The following UCHL5 variants were observed in gnomAD, a reference collection of about 807,000 sequenced individuals.
The protein encoded by UCHL5 is ubiquitin C-terminal hydrolase L5.
Under a neutral mutation model 53.8 loss-of-function variants are expected in UCHL5, and 34 were observed. That is an observed-to-expected ratio of 0.63 (90% CI 0.48 to 0.84). UCHL5 has a LOEUF of 0.84. UCHL5 is among the 40% of genes least tolerant of loss of function. The pLI is 0.00. For missense variants in UCHL5, 290 were observed against 385.6 expected, an observed-to-expected ratio of 0.75 and a Z score of 2.08; for synonymous variants, 111 against 126.3, an observed-to-expected ratio of 0.88 and a Z score of 0.81.
chr1:193,033,799 T>G (rs1403103267), intron 3 of UCHL5, among the ~76,000 whole-genome samples: 2 of 152,116 alleles, frequency 1.3e-5, no homozygotes, highest in Admixed American at 1.3e-4. Context: ...AGAGAAAGTT[T>G]TTTCACAAAT....
At chr1:193,032,425 T>C (rs999899970) in intron 3 of UCHL5, among the ~76,000 whole-genome samples, 1 of 152,088 alleles carries the variant, frequency 6.6e-6, no homozygotes, top group Non-Finnish European at 1.5e-5. Context: ...ATAAAAACTC[T>C]AGAAGAAAAC....
chr1:193,056,882 T>A (rs74130913), intron 1 of UCHL5, among the ~76,000 whole-genome samples: 3,194 of 152,340 alleles, frequency 0.021, 109 homozygotes, highest in African/African-American at 0.073. Context: ...ATTTAATTGT[T>A]TGCAGGTTCT....
At chr1:193,042,019 G>A (rs1665739895) in intron 3 of UCHL5, among the ~76,000 whole-genome samples, 1 of 151,740 alleles carries the variant, frequency 6.6e-6, no homozygotes, top group South Asian at 2.1e-4. Context: ...CAGCTACTCA[G>A]GAGGCTGAGG....
chr1:193,024,964 T>A (rs1195253644), intron 7 of UCHL5, among the ~76,000 whole-genome samples: 4 of 152,092 alleles, frequency 2.6e-5, no homozygotes, highest in Non-Finnish European at 4.4e-5. Flanking sequence ...CTGGACATAA[T>A]ATGTTTTTTA....
rs1654685320 is a variant in UCHL5 at position 193,014,969 on chromosome 1, T to A, written c.*1382A>T. 6.6e-6 allele frequency: 1 copy of A among 152,116 alleles called. No homozygotes were observed. Among genetic ancestry groups the A allele is most frequent in the Admixed American group, 6.6e-5 (1 of 15,246 alleles). The allele number at this position is 152,116 out of a possible 1,614,324, so 9.4% of individuals were successfully genotyped here. On this transcript the variant is annotated 3_prime_UTR_variant, in exon 11 of 11. Coordinates refer to ENST00000367454, the MANE Select transcript of UCHL5 (RefSeq NM_001199261.3). ...TGAGCCTTCCTTAAAAATCTATTTT[T>A]AAAAATTATATCATGGCTTTGAAAA...
intron 1 of UCHL5, among the ~76,000 whole-genome samples, chr1:193,055,177 T>C (rs1478940301): frequency 2.0e-5 from 3 of 152,312 alleles, no homozygotes; most frequent in Non-Finnish European, 4.4e-5. Flanking sequence ...AGCTTTGCTC[T>C]GGACCATCTT....
intron 2 of UCHL5, among the ~76,000 whole-genome samples, chr1:193,051,265 G>C: frequency 6.6e-6 from 1 of 152,026 alleles, no homozygotes; most frequent in East Asian, 1.9e-4. Context: ...CAGAAAGATG[G>C]GGGAAGGAGA....
At chr1:193,030,126 A>C (rs1571608532) in intron 3 of UCHL5, among the ~76,000 whole-genome samples, 1 of 152,174 alleles carries the variant, frequency 6.6e-6, no homozygotes, top group Non-Finnish European at 1.5e-5. Flanking sequence ...ATTCCCAAAC[A>C]GGGTATACAA....
chr1:193,038,044 T>G (rs894513846), intron 3 of UCHL5, among the ~76,000 whole-genome samples: 4 of 152,148 alleles, frequency 2.6e-5, no homozygotes, highest in African/African-American at 9.7e-5. Context: ...TTTGATAAAA[T>G]TTAACATGCC....
At chr1:193,059,752 C>G (rs1558218867), upstream of UCHL5, 1 of 1,355,794 alleles carries the variant, frequency 7.4e-7, no homozygotes, top group Non-Finnish European at 9.8e-7. This position sits in a 1 kb window ranked among gnomAD's most constrained non-coding sequence, Gnocchi z 4.9. Flanking sequence ...CGCTGCGGAT[C>G]CAGGGGGTCG....
chr1:193,041,071 G>A (rs1665405195), intron 3 of UCHL5, among the ~76,000 whole-genome samples: 1 of 152,130 alleles, frequency 6.6e-6, no homozygotes, highest in Admixed American at 6.5e-5. Flanking sequence ...CCTAGTGTTT[G>A]ACAAATCAGT....
intron 1 of UCHL5, among the ~76,000 whole-genome samples, chr1:193,053,895 T>G (rs1669832940): frequency 6.6e-6 from 1 of 152,052 alleles, no homozygotes; most frequent in African/African-American, 2.4e-5. Flanking sequence ...AATGTCACAA[T>G]CTGGTAGGAG....
Position 193,020,991 on chromosome 1 carries a change from CA to C in UCHL5, c.942+105del, listed in dbSNP as rs1238463855. On this transcript the variant is annotated intron_variant, in intron 10 of 10. Transcript: ENST00000367454. ...GCAAAAGCAAAAGAATAAAAACGTA[CA>C]AGCTTCCAAAAATTTTACCTCTATT... is the stretch of plus-strand genomic sequence containing the variant. The C allele has an allele frequency of 3.9e-6, 3 of 763,640 alleles. No individual in the cohort carries two copies. The African/African-American group carries it at 5.4e-5, about 14-fold the overall frequency. The allele number at this position is 763,640 out of a possible 1,614,324, so 47.3% of individuals were successfully genotyped here. A position where few individuals can be genotyped will look rare whatever the true frequency, so the allele number is the denominator to read the frequency against.
At chr1:193,025,160 C>T (rs1158401046) in intron 7 of UCHL5, among the ~76,000 whole-genome samples, 7 of 152,176 alleles carry the variant, frequency 4.6e-5, no homozygotes, top group Admixed American at 4.6e-4. Flanking sequence ...AAAGCCCCAA[C>T]AAAAGTCTGC....
chr1:193,029,627 T>C lies in UCHL5; in HGVS notation c.277A>G (p.Ile93Val). Residue 93 changes from isoleucine (I) to valine (V), a missense_variant, in exon 4 of 11, where the codon ATA becomes GTA. By Grantham distance (29) the Ile-to-Val change is conservative. Coordinates refer to ENST00000367454, the MANE Select transcript of UCHL5 (RefSeq NM_001199261.3). ...GTACAGTTCAGTAACACACTCACTATGGCTTGAGTAGCACAAGCATTATTA... is the reference window on the plus strand; with the variant it reads ...GTACAGTTCAGTAACACACTCACTACGGCTTGAGTAGCACAAGCATTATTA... ...VINNACATQA[I>V]VSVLLNCTHQ... 6.2e-7 allele frequency: 1 copy of C among 1,611,758 alleles called. No homozygotes were observed. The highest frequency in any genetic ancestry group is 8.5e-7 in the Non-Finnish European group (1 of 1,178,872).
At position 193,029,620 on chromosome 1, in the gene UCHL5, C is replaced by T; in HGVS notation, c.284G>A (p.Ser95Asn). The change falls in exon 4 of 11, where the codon AGT becomes AAT. Residue 95 changes from serine (S) to asparagine (N), a missense_variant. Transcript: ENST00000367454. ...CTGGTGGGTACAGTTCAGTAACACACTCACTATGGCTTGAGTAGCACAAGC... is the reference window on the plus strand; with the variant it reads ...CTGGTGGGTACAGTTCAGTAACACATTCACTATGGCTTGAGTAGCACAAGC... Reference protein sequence around the residue: ...NNACATQAIVSVLLNCTHQDV... With the variant: ...NNACATQAIVNVLLNCTHQDV... 2 of 1,612,582 alleles carry T rather than the reference C, an allele frequency of 1.2e-6. No individual in the cohort carries two copies. The highest frequency in any genetic ancestry group is 1.7e-6 in the Non-Finnish European group (2 of 1,179,212).
chr1:193,042,114 G>GAA (rs923430969), intron 3 of UCHL5, among the ~76,000 whole-genome samples: 1 of 129,328 alleles, frequency 7.7e-6, no homozygotes, highest in Non-Finnish European at 1.7e-5. Flanking sequence ...TCCAAAAAAA[G>GAA]AAAAAAAAAA....
At chr1:193,029,474 T>C in intron 4 of UCHL5, 25 bp from the exon 5 acceptor site, 1 of 1,613,378 alleles carries the variant, frequency 6.2e-7, no homozygotes, top group South Asian at 1.1e-5. Flanking sequence ...TAAAGTAGCC[T>C]ATTAATATAC....
At chr1:193,043,170 A>AAAAAAAC in intron 3 of UCHL5, among the ~76,000 whole-genome samples, 1 of 148,958 alleles carries the variant, frequency 6.7e-6, no homozygotes, top group Non-Finnish European at 1.5e-5. Flanking sequence ...AAAAAAAAAA[A>AAAAAAAC]AAAAAACCAC....
Sources: gnomAD v4.1 joint callset for allele counts (sites outside exome capture counted in the v4.1 genomes callset) on GRCh38, gnomAD v4.1.1 for gene constraint, Gnocchi (gnomAD v3.1) non-coding constraint, MANE v1.5 for transcripts, NCBI Gene and HGNC (gene_info 2026-07-23, HGNC 2026-07-21) for gene names.